Variants in CTNNA3 observed in about 807,000 individuals in gnomAD.
CTNNA3 encodes catenin alpha 3, also known as catenin alpha-3.
A neutral mutation model predicts 95.7 loss-of-function variants in CTNNA3; 76 were observed. That is an observed-to-expected ratio of 0.79 (90% CI 0.66 to 0.96). The LOEUF is 0.96. CTNNA3 is among the 40% of genes least tolerant of loss of function. CTNNA3 has a pLI of 0.00. For synonymous variants in CTNNA3, 431 were observed against 374.4 expected, an observed-to-expected ratio of 1.15 and a Z score of -1.74; for missense variants, 1,191 against 1,089.8, an observed-to-expected ratio of 1.09 and a Z score of -1.31.
intron 7 of CTNNA3, among the ~76,000 whole-genome samples, chr10:66,798,941 A>G (rs916993217): frequency 1.3e-5 from 2 of 151,708 alleles, no homozygotes; most frequent in Admixed American, 6.6e-5. Flanking sequence ...ACAAGTAAAG[A>G]GAGTATAATT....
chr10:66,076,737 G>A (rs1242254729), intron 14 of CTNNA3, among the ~76,000 whole-genome samples: 1 of 151,614 alleles, frequency 6.6e-6, no homozygotes, highest in East Asian at 1.9e-4. Flanking sequence ...AATAATGATA[G>A]TGATTGACAT....
At chr10:67,062,344 C>T (rs1855808643) in intron 7 of CTNNA3, among the ~76,000 whole-genome samples, 1 of 152,162 alleles carries the variant, frequency 6.6e-6, no homozygotes, top group South Asian at 2.1e-4. Context: ...TACATGCCAG[C>T]AGTGCTATTC....
At chr10:66,296,522 A>G (rs2091779100) in intron 12 of CTNNA3, among the ~76,000 whole-genome samples, 1 of 151,940 alleles carries the variant, frequency 6.6e-6, no homozygotes, top group African/African-American at 2.4e-5. Context: ...GGTTAGAATA[A>G]CAAAATAAAC....
intron 2 of CTNNA3, among the ~76,000 whole-genome samples, chr10:67,643,682 C>T (rs1839612606): frequency 6.6e-6 from 1 of 151,980 alleles, no homozygotes. Context: ...TATCCCTCCC[C>T]TAGCCCCCAC....
intron 1 of CTNNA3, among the ~76,000 whole-genome samples, chr10:67,691,138 C>A (rs534671629): frequency 4.6e-5 from 7 of 152,330 alleles, no homozygotes; most frequent in African/African-American, 1.7e-4. Context: ...GAGTGATCCA[C>A]CAGCCTCGGC....
intron 7 of CTNNA3, among the ~76,000 whole-genome samples, chr10:66,842,494 A>T (rs1250615633): frequency 6.6e-6 from 1 of 152,164 alleles, no homozygotes; most frequent in Non-Finnish European, 1.5e-5. Flanking sequence ...AGATGGGGAA[A>T]ATTAAAATTC....
At chr10:66,774,481 C>A (rs563905545) in intron 8 of CTNNA3, among the ~76,000 whole-genome samples, 1 of 152,260 alleles carries the variant, frequency 6.6e-6, no homozygotes, top group South Asian at 2.1e-4. Context: ...ACAGAATTCA[C>A]ATTAAGGGCA....
intron 5 of CTNNA3, among the ~76,000 whole-genome samples, chr10:67,270,262 G>A (rs1393103812): frequency 6.6e-6 from 1 of 151,896 alleles, no homozygotes; most frequent in African/African-American, 2.4e-5. Context: ...ATCTTGACAT[G>A]TTGCTCTTTT....
intron 12 of CTNNA3, among the ~76,000 whole-genome samples, chr10:66,361,253 G>A (rs1486875811): frequency 6.6e-6 from 1 of 151,318 alleles, no homozygotes; most frequent in Non-Finnish European, 1.5e-5. Context: ...ACAGGCATGA[G>A]CCACTGTGCC....
At chr10:67,085,155 C>T in intron 7 of CTNNA3, among the ~76,000 whole-genome samples, 1 of 151,848 alleles carries the variant, frequency 6.6e-6, no homozygotes, top group East Asian at 1.9e-4. Flanking sequence ...AGACAAGATA[C>T]ACTATCAAGA....
chr10:67,131,113 T>C (rs1411342903), intron 7 of CTNNA3, among the ~76,000 whole-genome samples: 2 of 152,068 alleles, frequency 1.3e-5, no homozygotes, highest in African/African-American at 2.4e-5. Context: ...ACTTTACGCT[T>C]ACCAACTCAG....
intron 7 of CTNNA3, among the ~76,000 whole-genome samples, chr10:67,080,325 G>T (rs1451220227): frequency 6.6e-6 from 1 of 152,138 alleles, no homozygotes; most frequent in African/African-American, 2.4e-5. Context: ...ACCTTTCACA[G>T]AGAATCTGCT....
At chr10:66,873,347 A>C (rs1326261832) in intron 7 of CTNNA3, among the ~76,000 whole-genome samples, 1 of 150,698 alleles carries the variant, frequency 6.6e-6, no homozygotes, top group Admixed American at 6.6e-5. Flanking sequence ...CAGCCTCAAC[A>C]GCATCTGGTT....
At chr10:66,811,262 C>T (rs1841864126) in intron 7 of CTNNA3, among the ~76,000 whole-genome samples, 1 of 152,090 alleles carries the variant, frequency 6.6e-6, no homozygotes, top group South Asian at 2.1e-4. Context: ...TCAAGATGTT[C>T]CAGATCCTGG....
chr10:66,369,070 A>C (rs2092733789), intron 12 of CTNNA3, among the ~76,000 whole-genome samples: 1 of 152,138 alleles, frequency 6.6e-6, no homozygotes, highest in Non-Finnish European at 1.5e-5. Flanking sequence ...ATGGTGGATG[A>C]TCACCAGAAT....
At position 65,919,635 on chromosome 10, in the gene CTNNA3, A is replaced by G. The variant is rs1047324121; in HGVS notation, c.*695T>C. The stretch of plus-strand genomic sequence containing the variant: ...CACATTGGAAACCCAAAAGGTGAGT[A>G]TGTGGCATCAGAACTCATTGTAACC... On this transcript the variant is annotated 3_prime_UTR_variant, in exon 18 of 18. Transcript: ENST00000433211. 1 of 152,268 alleles carries G rather than the reference A, an allele frequency of 6.6e-6. No individual in the cohort carries two copies. Among genetic ancestry groups the G allele is most frequent in the African/African-American group, 2.4e-5 (1 of 41,466 alleles). The allele number at this position is 152,268 out of a possible 1,614,324, so 9.4% of individuals were successfully genotyped here.
intron 5 of CTNNA3, among the ~76,000 whole-genome samples, chr10:67,271,404 C>T (rs1365851925): frequency 6.6e-6 from 1 of 152,106 alleles, no homozygotes; most frequent in Non-Finnish European, 1.5e-5. Flanking sequence ...TCCTGCCGCC[C>T]TGTGAAGAAG....
At chr10:66,872,045 C>A (rs1318227275) in intron 7 of CTNNA3, among the ~76,000 whole-genome samples, 1 of 152,096 alleles carries the variant, frequency 6.6e-6, no homozygotes, top group Admixed American at 6.6e-5. Flanking sequence ...ATTTTATAGC[C>A]CAATGAAAAT....
chr10:67,115,564 T>C lies in CTNNA3; in HGVS notation c.1047+64753A>G, dbSNP rs531061964. ...TACATGATACAAGTATCAAAGGAATTTCAGACTTGAGTAATTCTGAAGCCC... is the reference window on the plus strand; with the variant it reads ...TACATGATACAAGTATCAAAGGAATCTCAGACTTGAGTAATTCTGAAGCCC... On this transcript the variant is annotated intron_variant, in intron 7 of 17. Coordinates refer to ENST00000433211, the MANE Select transcript of CTNNA3 (RefSeq NM_013266.4). 5.9e-5 allele frequency among the ~76,000 whole-genome samples: 9 copies of C among 151,958 alleles called. 1 individual carries two copies. The highest frequency in any genetic ancestry group is 2.2e-4 in the African/African-American group (9 of 41,492).
Sources: gnomAD v4.1 joint callset for allele counts (sites outside exome capture counted in the v4.1 genomes callset) on GRCh38, gnomAD v4.1.1 for gene constraint, MANE v1.5 for transcripts, NCBI Gene and HGNC (gene_info 2026-07-23, HGNC 2026-07-21) for gene names.